GRIP1: variants seen among roughly 807,000 people sequenced by gnomAD.
GRIP1 encodes glutamate receptor interacting protein 1.
GRIP1 carries 45 observed loss-of-function variants against 129.9 expected under a neutral mutation model. The observed-to-expected ratio is 0.35, with a 90% CI of 0.27 to 0.44. GRIP1 has a LOEUF of 0.44. Among genes scored for constraint, GRIP1 ranks in the 20% least tolerant of loss-of-function variants. GRIP1 has a pLI of 1.00. For missense variants in GRIP1, 1,196 were observed against 1,396.8 expected (o/e 0.86, Z 2.29); for synonymous variants, 530 against 520.8 (o/e 1.02, Z -0.24).
At chr12:66,774,814 GAATCCTAATGACCATA>G (rs1397063642) in intron 1 of GRIP1, among the ~76,000 whole-genome samples, 4 of 152,148 alleles carry the variant, frequency 2.6e-5, no homozygotes, top group African/African-American at 9.7e-5. Context: ...GGCTGGCTTA[GAATCCTAATGACCATA>G]AACAAGTTTT....
intron 2 of GRIP1, chr12:66,567,665 G>T: frequency 4.6e-6 from 1 of 218,140 alleles, no homozygotes; most frequent in South Asian, 8.1e-5. Flanking sequence ...TATCTACAAA[G>T]ACTGCATTTT....
intron 1 of GRIP1, among the ~76,000 whole-genome samples, chr12:66,990,607 C>A (rs2042379867): frequency 6.6e-6 from 1 of 152,168 alleles, no homozygotes; most frequent in Non-Finnish European, 1.5e-5. Flanking sequence ...CAATTTATTC[C>A]CCGTTTTACA....
chr12:66,828,636 TAAAG>T (rs1475916299), intron 1 of GRIP1, among the ~76,000 whole-genome samples: 2 of 152,252 alleles, frequency 1.3e-5, no homozygotes, highest in Non-Finnish European at 2.9e-5. Flanking sequence ...GTCTTTCTTA[TAAAG>T]AAAGTTTTAT....
intron 14 of GRIP1, among the ~76,000 whole-genome samples, chr12:66,431,353 G>A (rs779414469): frequency 3.9e-5 from 6 of 152,116 alleles, no homozygotes; most frequent in Non-Finnish European, 8.8e-5. Context: ...TCACATTAGG[G>A]TTTGGGGGGA....
intron 1 of GRIP1, among the ~76,000 whole-genome samples, chr12:66,973,439 A>T (rs2042105111): frequency 6.7e-6 from 1 of 149,412 alleles, no homozygotes; most frequent in East Asian, 2.0e-4. Flanking sequence ...GCCTGTTAAA[A>T]CCATTTGTAA....
intron 2 of GRIP1, among the ~76,000 whole-genome samples, chr12:66,555,322 A>G (rs777170619): frequency 9.2e-5 from 14 of 152,190 alleles, no homozygotes; most frequent in Admixed American, 2.6e-4. Flanking sequence ...CTATGAGTCT[A>G]TAAGAGCCAT....
At chr12:66,761,495 C>T (rs770919819) in intron 1 of GRIP1, among the ~76,000 whole-genome samples, 16 of 152,168 alleles carry the variant, frequency 1.1e-4, no homozygotes, top group African/African-American at 2.9e-4. Context: ...CCAGATCCCA[C>T]AAAGTCTCAT....
At chr12:66,705,115 A>C (rs572617897) in intron 1 of GRIP1, among the ~76,000 whole-genome samples, 97 of 152,166 alleles carry the variant, frequency 6.4e-4, no homozygotes, top group African/African-American at 2.3e-3. Context: ...GTAGGGCTGA[A>C]ATCATTTTTA....
intron 7 of GRIP1, among the ~76,000 whole-genome samples, chr12:66,500,280 C>A (rs1204869524): frequency 6.6e-6 from 1 of 152,156 alleles, no homozygotes; most frequent in East Asian, 1.9e-4. Context: ...GGAAACAAAT[C>A]TGAGTCCTTT....
chr12:66,778,633 A>C (rs1019750058), intron 1 of GRIP1, among the ~76,000 whole-genome samples: 2 of 152,202 alleles, frequency 1.3e-5, no homozygotes, highest in Admixed American at 1.3e-4. Flanking sequence ...ACAAAAAAAG[A>C]ATGTAAAGAC....
At chr12:66,674,266 C>T (rs2034220460) in intron 1 of GRIP1, among the ~76,000 whole-genome samples, 1 of 152,104 alleles carries the variant, frequency 6.6e-6, no homozygotes, top group African/African-American at 2.4e-5. Flanking sequence ...AGGCTAGACA[C>T]AGACAGATGG....
intron 1 of GRIP1, among the ~76,000 whole-genome samples, chr12:66,821,994 TC>T (rs1367629319): frequency 1.4e-5 from 2 of 141,974 alleles, no homozygotes; most frequent in Non-Finnish European, 1.6e-5. Flanking sequence ...TGGAGCCACT[TC>T]CATCTTGTGT....
intron 7 of GRIP1, among the ~76,000 whole-genome samples, chr12:66,500,562 T>C (rs773793922): frequency 1.7e-4 from 26 of 152,148 alleles, no homozygotes; most frequent in Non-Finnish European, 3.4e-4. Context: ...AGAGAGTCTT[T>C]AGAGACAGAA....
At chr12:66,857,220 T>C (rs2040022242) in intron 1 of GRIP1, among the ~76,000 whole-genome samples, 1 of 150,390 alleles carries the variant, frequency 6.6e-6, no homozygotes, top group Non-Finnish European at 1.5e-5. Flanking sequence ...CCGGGGCCTG[T>C]TGTGGGGTGG....
At chr12:66,523,554 G>A (rs2061102926) in intron 5 of GRIP1, among the ~76,000 whole-genome samples, 1 of 151,804 alleles carries the variant, frequency 6.6e-6, no homozygotes, top group East Asian at 1.9e-4. Context: ...AGGAACAACT[G>A]GTACCAGCCG....
chr12:66,874,041 C>T (rs1238138645), intron 1 of GRIP1, among the ~76,000 whole-genome samples: 2 of 152,100 alleles, frequency 1.3e-5, no homozygotes, highest in African/African-American at 4.8e-5. Flanking sequence ...CATCTGTCTT[C>T]ATCAGCATGT....
chr12:67,011,579 C>G (rs968006830), intron 1 of GRIP1, among the ~76,000 whole-genome samples: 13 of 152,062 alleles, frequency 8.5e-5, no homozygotes, highest in South Asian at 2.1e-4. Context: ...GGTCATCCCT[C>G]TGCATATTTA....
At chr12:66,774,072 T>C (rs1268805907) in intron 1 of GRIP1, among the ~76,000 whole-genome samples, 1 of 151,714 alleles carries the variant, frequency 6.6e-6, no homozygotes, top group Non-Finnish European at 1.5e-5. Context: ...TGGAGAACAG[T>C]ATATTTGACA....
chr12:66,625,242 C>T (rs1057439497), intron 1 of GRIP1, among the ~76,000 whole-genome samples: 6 of 152,184 alleles, frequency 3.9e-5, no homozygotes, highest in Middle Eastern at 3.4e-3. Flanking sequence ...CAATGTAACT[C>T]GCATCTTATC....
Sources: gnomAD v4.1 joint callset for allele counts (sites outside exome capture counted in the v4.1 genomes callset) on GRCh38, gnomAD v4.1.1 for gene constraint, MANE v1.5 for transcripts, NCBI Gene and HGNC (gene_info 2026-07-23, HGNC 2026-07-21) for gene names.